SEMA6D: variants seen among roughly 807,000 people sequenced by gnomAD.
SEMA6D encodes semaphorin 6D.
Under a neutral mutation model 106.6 loss-of-function variants are expected in SEMA6D, and 35 were observed. The observed-to-expected ratio is 0.33, with a 90% CI of 0.25 to 0.44. The LOEUF (loss-of-function observed/expected upper bound fraction) is 0.44. Among genes scored for constraint, SEMA6D ranks in the 20% least tolerant of loss-of-function variants. SEMA6D has a pLI of 1.00. For synonymous variants in SEMA6D, 499 were observed against 487.7 expected (o/e 1.02, Z -0.31); for missense variants, 1,185 against 1,345.9 (o/e 0.88, Z 1.87).
At chr15:47,329,679 T>C (rs2037266560) in intron 1 of SEMA6D, among the ~76,000 whole-genome samples, 1 of 152,162 alleles carries the variant, frequency 6.6e-6, no homozygotes, top group Admixed American at 6.5e-5. Flanking sequence ...TTAGGAATGG[T>C]CTTCAGACCT....
At chr15:47,714,963 A>C (rs2079084043), upstream of SEMA6D, among the ~76,000 whole-genome samples, 1 of 152,216 alleles carries the variant, frequency 6.6e-6, no homozygotes. Flanking sequence ...CGAGTGGGGA[A>C]GACATGCTAA....
chr15:47,717,621 T>A lies in SEMA6D; in HGVS notation c.-126T>A, dbSNP rs973798853. Reference sequence around the variant, plus strand: ...TATTTTTACAATATTTTTCTTTATTTTCTTTCTTCCTTGCGCGTGGCAAGC... The same window carrying A: ...TATTTTTACAATATTTTTCTTTATTATCTTTCTTCCTTGCGCGTGGCAAGC... On this transcript the variant is annotated 5_prime_UTR_variant, in exon 1 of 19. Coordinates refer to ENST00000536845, the MANE Select transcript of SEMA6D (RefSeq NM_001358351.3). 1 of 152,032 alleles carries A rather than the reference T, an allele frequency of 6.6e-6. No homozygotes were observed. The highest frequency in any genetic ancestry group is 1.5e-5 in the Non-Finnish European group (1 of 68,090). 9.4% of individuals were successfully genotyped at this position (152,032 alleles called of 1,614,324 possible).
chr15:47,670,871 G>A (rs1596585929), intron 4 of SEMA6D, among the ~76,000 whole-genome samples: 1 of 152,098 alleles, frequency 6.6e-6, no homozygotes, highest in East Asian at 1.9e-4. Flanking sequence ...ATGCAGTAAT[G>A]TTTTGTAGGG....
chr15:47,189,074 G>T (rs1170819853), intron 1 of SEMA6D, among the ~76,000 whole-genome samples: 1 of 152,186 alleles, frequency 6.6e-6, no homozygotes, highest in Non-Finnish European at 1.5e-5. Flanking sequence ...TAAGTAGTCT[G>T]AGGATATCAG....
At chr15:47,594,675 A>C (rs2076503266) in intron 3 of SEMA6D, among the ~76,000 whole-genome samples, 1 of 151,528 alleles carries the variant, frequency 6.6e-6, no homozygotes, top group Non-Finnish European at 1.5e-5. Flanking sequence ...CAGTCTAATG[A>C]GGGAGGTGGA....
chr15:47,324,262 A>T (rs868333521), intron 1 of SEMA6D, among the ~76,000 whole-genome samples: 15 of 152,314 alleles, frequency 9.8e-5, no homozygotes, highest in South Asian at 2.1e-4. Flanking sequence ...ATACCTATTT[A>T]CCTATATATT....
At chr15:47,563,948 A>C (rs2046154571) in intron 3 of SEMA6D, among the ~76,000 whole-genome samples, 1 of 152,240 alleles carries the variant, frequency 6.6e-6, no homozygotes, top group Non-Finnish European at 1.5e-5. Context: ...AAGTGCTGGC[A>C]GATGGAAGGC....
At chr15:47,542,552 T>C (rs2045388588) in intron 3 of SEMA6D, among the ~76,000 whole-genome samples, 1 of 152,198 alleles carries the variant, frequency 6.6e-6, no homozygotes, top group African/African-American at 2.4e-5. Context: ...GAGACCTGTT[T>C]TGGCTTAACA....
Position 47,766,623 on chromosome 15 carries a change from G to C in SEMA6D, c.1654G>C (p.Gly552Arg). ...TGCTTTCCATAACCACAGTGCTGAA[G>C]GATATGAACAAGACACAGAATTCGG... is the stretch of plus-strand genomic sequence containing the variant. Reference protein sequence around the residue: ...GRVTPGMLAEGYEQDTEFGNT... With the variant: ...GRVTPGMLAERYEQDTEFGNT... The change falls in exon 16 of 19, where the codon GGA becomes CGA. Residue 552 changes from glycine to arginine, a missense_variant. By Grantham distance (125) the Gly-to-Arg change is moderately radical (BLOSUM62 -2). Coordinates refer to ENST00000536845, the MANE Select transcript of SEMA6D (RefSeq NM_001358351.3). The C allele has an allele frequency of 5.0e-6, 8 of 1,612,928 alleles. No homozygotes were observed. Among genetic ancestry groups the C allele is most frequent in the Non-Finnish European group, 6.8e-6 (8 of 1,179,262 alleles).
chr15:47,478,806 T>G lies in SEMA6D; in HGVS notation c.-87+8261T>G, dbSNP rs1401929445. ...GAAATTTTATAATGAAAAAAAGGTT[T>G]AATGGACTCACAGTTCCACATGGCT... On this transcript the variant is annotated intron_variant, in intron 3 of 19. Coordinates refer to the SEMA6D transcript ENST00000558014. Among the ~76,000 whole-genome samples, 3 of 152,156 alleles carry G rather than the reference T, an allele frequency of 2.0e-5. No homozygotes were observed. The East Asian group carries it at 5.8e-4, about 29-fold the overall frequency.
chr15:47,445,113 C>G lies in SEMA6D; in HGVS notation c.-158-25361C>G, dbSNP rs1455020890. On this transcript the variant is annotated intron_variant, in intron 2 of 19. Transcript: ENST00000558014. ...TTGGGATTCAGACACTCCTTCTCTT[C>G]TCTCTGCTATGCCATTCTGCCATTC... Among the ~76,000 whole-genome samples, 4 of 152,110 alleles carry G rather than the reference C, an allele frequency of 2.6e-5. No homozygotes were observed. In the East Asian group the frequency reaches 7.7e-4, roughly 29 times the overall value.
Position 47,352,697 on chromosome 15 carries a change from A to G in SEMA6D, c.-238-59696A>G, listed in dbSNP as rs2038372073. Among the ~76,000 whole-genome samples the G allele has an allele frequency of 2.0e-5, 3 of 152,216 alleles. 1 individual carries two copies. The highest frequency in any genetic ancestry group is 1.3e-4 in the Admixed American group (2 of 15,282). ...CCTCCAGTTCATGAGATAAAAAGAGATAGGGGTGAAGGCTTTAGTTGATTG... is the reference window on the plus strand; with the variant it reads ...CCTCCAGTTCATGAGATAAAAAGAGGTAGGGGTGAAGGCTTTAGTTGATTG... On this transcript the variant is annotated intron_variant, in intron 1 of 19. Transcript: ENST00000558014.
At chr15:47,252,030 C>T (rs989673655) in intron 1 of SEMA6D, among the ~76,000 whole-genome samples, 5 of 147,622 alleles carry the variant, frequency 3.4e-5, no homozygotes, top group African/African-American at 1.0e-4. Flanking sequence ...ATTCCCCTGC[C>T]TCAGCCTCCC....
chr15:47,225,819 C>T (rs899029504), intron 1 of SEMA6D, among the ~76,000 whole-genome samples: 3 of 151,966 alleles, frequency 2.0e-5, no homozygotes, highest in Admixed American at 6.6e-5. Context: ...CGTGAGCCAC[C>T]GCGCCCAGTC....
intron 3 of SEMA6D, among the ~76,000 whole-genome samples, chr15:47,598,981 C>T (rs1238719503): frequency 6.6e-6 from 1 of 152,084 alleles, no homozygotes; most frequent in Non-Finnish European, 1.5e-5. Flanking sequence ...TTCATATCAT[C>T]CTAAGTCTGT....
chr15:47,641,404 C>CCTCTCTCTCTCACACTCTCA (rs1555402774), intron 4 of SEMA6D, among the ~76,000 whole-genome samples: 41 of 152,052 alleles, frequency 2.7e-4, no homozygotes, highest in Non-Finnish European at 4.4e-4. Context: ...TTTCAGTCTC[C>CCTCTCTCTCTCACACTCTCA]CTCTCTCTCT....
At chr15:47,730,781 G>A (rs1041774460) in intron 1 of SEMA6D, 9 of 1,594,846 alleles carry the variant, frequency 5.6e-6, no homozygotes, top group Admixed American at 1.7e-5. Context: ...TTCACAAAGC[G>A]GGTGAGGTCT....
At chr15:47,222,907 G>T (rs1368445722) in intron 1 of SEMA6D, among the ~76,000 whole-genome samples, 1 of 152,150 alleles carries the variant, frequency 6.6e-6, no homozygotes. Context: ...GCAAATGTAA[G>T]CTGGGGCAAG....
At chr15:47,467,936 A>G (rs943336856) in intron 2 of SEMA6D, among the ~76,000 whole-genome samples, 3 of 152,118 alleles carry the variant, frequency 2.0e-5, no homozygotes, top group Admixed American at 1.3e-4. Context: ...CATCTGTAGC[A>G]TAAAAATTAT....
Sources: allele counts gnomAD v4.1 joint callset (sites outside exome capture counted in the v4.1 genomes callset), GRCh38; gene constraint gnomAD v4.1.1; transcripts MANE v1.5; gene names NCBI Gene and HGNC (gene_info 2026-07-23, HGNC 2026-07-21).